TMEM132D: variants seen among roughly 807,000 people sequenced by gnomAD.
TMEM132D encodes transmembrane protein 132D.
In TMEM132D, 21 loss-of-function variants were observed where a neutral mutation model predicts 62.3. The ratio of observed to expected loss-of-function variants is 0.34; its 90% confidence interval spans 0.24 to 0.49. TMEM132D has a LOEUF of 0.49. TMEM132D is among the 20% of genes least tolerant of loss of function. The pLI, the probability that TMEM132D is intolerant of heterozygous loss-of-function variation, is 0.99. For synonymous variants in TMEM132D, 621 were observed against 575.6 expected, an observed-to-expected ratio of 1.08 and a Z score of -1.13; for missense variants, 1,346 against 1,402.8, an observed-to-expected ratio of 0.96 and a Z score of 0.65.
In TMEM132D at chr12:129,891,929, C is replaced by T. The variant is rs117413172; in HGVS notation, c.79+11332G>A. 5.4e-3 allele frequency among the ~76,000 whole-genome samples: 820 copies of T among 152,248 alleles called. 3 individuals are homozygous for T. Among genetic ancestry groups the T allele is most frequent in the Non-Finnish European group, 9.7e-3 (659 of 68,026 alleles). On this transcript the variant is annotated intron_variant, in intron 1 of 8. Transcript: ENST00000422113. ...AAAGAAATATATCAAAAATGTGAAG[C>T]AGTCATCTTTGGGTACTGAAATTGT...
intron 1 of TMEM132D, among the ~76,000 whole-genome samples, chr12:129,894,299 G>A (rs1420295433): frequency 6.6e-6 from 1 of 152,120 alleles, no homozygotes; most frequent in Non-Finnish European, 1.5e-5. Flanking sequence ...AGTGTATGGG[G>A]GACACCGCCC....
intron 2 of TMEM132D, among the ~76,000 whole-genome samples, chr12:129,681,017 T>C (rs565092303): frequency 1.3e-5 from 2 of 152,304 alleles, no homozygotes; most frequent in South Asian, 2.1e-4. Context: ...GTGGCTTCAA[T>C]TGACCAAATG....
At chr12:129,447,405 T>C (rs960143421) in intron 3 of TMEM132D, among the ~76,000 whole-genome samples, 1 of 152,172 alleles carries the variant, frequency 6.6e-6, no homozygotes, top group South Asian at 2.1e-4. Flanking sequence ...TGGTATCGTT[T>C]GCAATAAATA....
At chr12:129,706,759 T>C (rs1406185596) in intron 1 of TMEM132D, among the ~76,000 whole-genome samples, 1 of 151,974 alleles carries the variant, frequency 6.6e-6, no homozygotes, top group African/African-American at 2.4e-5. Context: ...TGATATTCCA[T>C]GATCATATAC....
intron 5 of TMEM132D, among the ~76,000 whole-genome samples, chr12:129,153,178 C>A (rs994764136): frequency 6.6e-6 from 1 of 152,150 alleles, no homozygotes; most frequent in Non-Finnish European, 1.5e-5. Flanking sequence ...GTTGTCCTGA[C>A]TGGACTTTGC....
At chr12:129,195,626 AC>A (rs1403359758) in intron 5 of TMEM132D, among the ~76,000 whole-genome samples, 1 of 152,184 alleles carries the variant, frequency 6.6e-6, no homozygotes, top group African/African-American at 2.4e-5. Context: ...CTTTGTGCAG[AC>A]AGTCCTGAAA....
chr12:129,826,659 T>A (rs1459102533), intron 1 of TMEM132D, among the ~76,000 whole-genome samples: 1 of 152,218 alleles, frequency 6.6e-6, no homozygotes, highest in Non-Finnish European at 1.5e-5. Flanking sequence ...GGAAGGCTAT[T>A]TACCTAAAGA....
At chr12:129,524,924 T>C (rs1367034843) in intron 3 of TMEM132D, among the ~76,000 whole-genome samples, 1 of 84,120 alleles carries the variant, frequency 1.2e-5, no homozygotes, top group Non-Finnish European at 2.2e-5. Context: ...TTTTTTCTTT[T>C]TTCTTTTTTT....
chr12:129,161,386 T>A (rs1877395475), intron 5 of TMEM132D, among the ~76,000 whole-genome samples: 1 of 152,194 alleles, frequency 6.6e-6, no homozygotes. Flanking sequence ...AATCCAGGAC[T>A]TTCCAGTGAA....
At chr12:129,257,583 C>T (rs959300450) in intron 4 of TMEM132D, among the ~76,000 whole-genome samples, 2 of 152,158 alleles carry the variant, frequency 1.3e-5, no homozygotes, top group South Asian at 4.1e-4. Flanking sequence ...GAAATACATC[C>T]CCTTCCCTTC....
chr12:129,385,165 G>T (rs1036340536), intron 3 of TMEM132D, among the ~76,000 whole-genome samples: 2 of 147,700 alleles, frequency 1.4e-5, no homozygotes, highest in Non-Finnish European at 3.0e-5. Context: ...TAGTGCAGTG[G>T]TGCGATCTTG....
chr12:129,792,518 G>A (rs1010969905), intron 1 of TMEM132D, among the ~76,000 whole-genome samples: 5 of 152,102 alleles, frequency 3.3e-5, no homozygotes, highest in African/African-American at 4.8e-5. Flanking sequence ...CATATTTACC[G>A]AAAACCTGTG....
chr12:129,457,495 G>A (rs1252352876), intron 3 of TMEM132D, among the ~76,000 whole-genome samples: 1 of 150,774 alleles, frequency 6.6e-6, no homozygotes, highest in Non-Finnish European at 1.5e-5. Flanking sequence ...AATGCTAAAT[G>A]ACGAGTTAAT....
chr12:129,588,614 A>G (rs970425122), intron 2 of TMEM132D, among the ~76,000 whole-genome samples: 1 of 151,714 alleles, frequency 6.6e-6, no homozygotes, highest in Non-Finnish European at 1.5e-5. Flanking sequence ...TTGCTCTGCC[A>G]CCCAGGCTGG....
At position 129,082,090 on chromosome 12, in the gene TMEM132D, C is replaced by T. The variant is rs549245179; in HGVS notation, c.1650-58G>A. 7.0e-5 allele frequency: 108 copies of T among 1,538,296 alleles called. No individual in the cohort carries two copies. In the East Asian group the frequency reaches 2.3e-3, roughly 33 times the overall value. The stretch of plus-strand genomic sequence containing the variant: ...TACTTGTTGGTCCTCTGTAAGGGGC[C>T]GTGTGTGGAGCCTGGTGGGGGCTGC... On this transcript the variant is annotated intron_variant, in intron 6 of 8. Coordinates refer to ENST00000422113, the MANE Select transcript of TMEM132D (RefSeq NM_133448.3).
intron 2 of TMEM132D, among the ~76,000 whole-genome samples, chr12:129,689,154 TATTCAAAC>T (rs1414466726): frequency 0.013 from 1,952 of 152,306 alleles, 34 homozygotes; most frequent in African/African-American, 0.045. Flanking sequence ...AAACCAACCC[TATTCAAAC>T]TTAGCCTTGG....
intron 3 of TMEM132D, among the ~76,000 whole-genome samples, chr12:129,360,531 C>G (rs1194153120): frequency 6.6e-6 from 1 of 152,146 alleles, no homozygotes; most frequent in Non-Finnish European, 1.5e-5. Context: ...ATTCTTTGCT[C>G]TTTTCACAAT....
At chr12:129,865,191 C>T (rs997730542) in intron 1 of TMEM132D, among the ~76,000 whole-genome samples, 1 of 152,180 alleles carries the variant, frequency 6.6e-6, no homozygotes, top group African/African-American at 2.4e-5. Flanking sequence ...TGACAGTCTG[C>T]TGGCACTGGA....
At chr12:129,149,308 T>C (rs1247700528) in intron 5 of TMEM132D, among the ~76,000 whole-genome samples, 1 of 152,062 alleles carries the variant, frequency 6.6e-6, no homozygotes, top group Non-Finnish European at 1.5e-5. Flanking sequence ...GACGGGTTGA[T>C]AGGTGCAGCA....
Sources: allele counts gnomAD v4.1 joint callset (sites outside exome capture counted in the v4.1 genomes callset), GRCh38; gene constraint gnomAD v4.1.1; transcripts MANE v1.5; gene names NCBI Gene and HGNC (gene_info 2026-07-23, HGNC 2026-07-21).